DZIP3: variants seen among roughly 807,000 people sequenced by gnomAD.
The protein encoded by DZIP3 is DAZ interacting zinc finger protein 3, also known as E3 ubiquitin-protein ligase DZIP3.
In DZIP3, 118 loss-of-function variants were observed where a neutral mutation model predicts 162.0. That is an observed-to-expected ratio of 0.73 (90% CI 0.63 to 0.85). The LOEUF is 0.85. Ranked by LOEUF, DZIP3 falls within the 40% of genes least tolerant of loss-of-function variation. DZIP3 has a pLI of 0.00. For missense variants in DZIP3, 1,331 were observed against 1,407.0 expected (o/e 0.95, Z 0.86); for synonymous variants, 438 against 458.6 (o/e 0.96, Z 0.57).
intron 17 of DZIP3, 94 bp downstream of exon 17, chr3:108,649,056 A>G: frequency 2.8e-6 from 2 of 721,790 alleles, no homozygotes; most frequent in Non-Finnish European, 3.9e-6. Flanking sequence ...TCAAGTAGAC[A>G]TATAGCACAA....
intron 26 of DZIP3, among the ~76,000 whole-genome samples, chr3:108,678,301 A>G (rs1050236200): frequency 2.0e-5 from 3 of 151,968 alleles, no homozygotes; most frequent in East Asian, 3.9e-4. Context: ...TAATAATACT[A>G]GAAATAAAGT....
rs143726506 is a variant in DZIP3 at position 108,617,997 on chromosome 3, T to A, written c.375+1340T>A. On this transcript the variant is annotated intron_variant, in intron 5 of 32. Transcript: ENST00000361582. ...AGTGGCATTGTGATGATCAAAGCAG[T>A]CTATTGCTGTATCTAAATTACTCTA... 3.6e-3 allele frequency among the ~76,000 whole-genome samples: 550 copies of A among 152,312 alleles called. 2 individuals carry two copies. The highest frequency in any genetic ancestry group is 8.7e-3 in the African/African-American group (361 of 41,562).
intron 7 of DZIP3, 128 bp downstream of exon 7, chr3:108,626,097 C>T: frequency 2.8e-6 from 3 of 1,087,718 alleles, no homozygotes; most frequent in South Asian, 4.6e-5. Context: ...TTCTTCTTTG[C>T]CTATTTGTAT....
chr3:108,640,256 A>G (rs781253978), intron 12 of DZIP3, among the ~76,000 whole-genome samples: 9 of 151,616 alleles, frequency 5.9e-5, no homozygotes, highest in African/African-American at 1.9e-4. Flanking sequence ...TCAGCATTCT[A>G]TGTCATTTTT....
intron 12 of DZIP3, among the ~76,000 whole-genome samples, chr3:108,640,688 C>T (rs576672520): frequency 6.6e-6 from 1 of 152,244 alleles, no homozygotes; most frequent in South Asian, 2.1e-4. Flanking sequence ...TCGTGATCCA[C>T]CCTCTTCGGC....
chr3:108,667,701 C>T (rs1196640474), intron 21 of DZIP3, among the ~76,000 whole-genome samples: 1 of 151,990 alleles, frequency 6.6e-6, no homozygotes, highest in African/African-American at 2.4e-5. Context: ...TATGAATTTA[C>T]AATTATCTTG....
intron 3 of DZIP3, among the ~76,000 whole-genome samples, chr3:108,610,357 A>G (rs764312865): frequency 1.3e-5 from 2 of 152,140 alleles, no homozygotes; most frequent in African/African-American, 2.4e-5. Flanking sequence ...TCCTTGTGGC[A>G]ATGACCTAGG....
intron 1 of DZIP3, among the ~76,000 whole-genome samples, chr3:108,604,950 A>G (rs750546730): frequency 1.9e-4 from 28 of 146,480 alleles, no homozygotes; most frequent in Non-Finnish European, 3.5e-4. Context: ...TTTATAATAG[A>G]AAAAAATGGG....
chr3:108,634,716 G>C (rs1942058819), intron 9 of DZIP3, among the ~76,000 whole-genome samples, 155 bp from the exon 10 acceptor site: 1 of 152,004 alleles, frequency 6.6e-6, no homozygotes, highest in Non-Finnish European at 1.5e-5. Context: ...GACTTGTAAA[G>C]TTATTTGGTG....
At chr3:108,647,156 T>A (rs1454843919) in intron 15 of DZIP3, among the ~76,000 whole-genome samples, 2 of 152,328 alleles carry the variant, frequency 1.3e-5, no homozygotes, top group South Asian at 2.1e-4. Context: ...TTCCCAAGGA[T>A]GATGTTCTAA....
chr3:108,613,229 G>A (rs573442900), intron 4 of DZIP3, among the ~76,000 whole-genome samples: 8 of 152,198 alleles, frequency 5.3e-5, no homozygotes, highest in South Asian at 2.1e-4. Flanking sequence ...CACAAATATC[G>A]CATGATTCCA....
chr3:108,648,071 C>T lies in DZIP3; in HGVS notation c.1921C>T (p.Pro641Ser). The change falls in exon 16 of 33, where the codon CCC (proline) becomes TCC (serine). Residue 641 changes from proline to serine, a missense_variant. Coordinates refer to ENST00000361582, the MANE Select transcript of DZIP3 (RefSeq NM_014648.4). ...AATTAATAAAGATGGGACCTCAATACCCAGTGAATCTTCAACAGAATCTCT... is the reference window on the plus strand; with the variant it reads ...AATTAATAAAGATGGGACCTCAATATCCAGTGAATCTTCAACAGAATCTCT... ...AEINKDGTSI[P>S]SESSTESLKD... is the part of the protein sequence containing the mutation. 1 of 1,607,456 alleles carries T rather than the reference C, an allele frequency of 6.2e-7. No individual in the cohort carries two copies. Among genetic ancestry groups the T allele is most frequent in the Non-Finnish European group, 8.5e-7 (1 of 1,177,862 alleles).
intron 12 of DZIP3, among the ~76,000 whole-genome samples, chr3:108,641,985 A>G (rs1273529550): frequency 1.3e-5 from 2 of 152,096 alleles, no homozygotes; most frequent in African/African-American, 4.8e-5. Context: ...TTGATGTTCT[A>G]CTAGCATCTT....
rs1335897051 is a variant in DZIP3, at chr3:108,611,031, AT to A, written c.103-137del. On this transcript the variant is annotated intron_variant, in intron 3 of 32. Coordinates refer to ENST00000361582, the MANE Select transcript of DZIP3 (RefSeq NM_014648.4). The stretch of plus-strand genomic sequence containing the variant: ...CAGAGAACATATTATTCTTCCTTAG[AT>A]TTTTTATAATTCTGTCATAGAAGCT... 4.3e-6 allele frequency: 3 copies of A among 701,906 alleles called. No homozygotes were observed. The East Asian group carries it at 9.2e-5, about 21-fold the overall frequency. 43.5% of individuals were successfully genotyped at this position (701,906 alleles called of 1,614,324 possible).
At chr3:108,647,478 G>A (rs903389642) in intron 15 of DZIP3, among the ~76,000 whole-genome samples, 1 of 152,100 alleles carries the variant, frequency 6.6e-6, no homozygotes, top group Non-Finnish European at 1.5e-5. Context: ...GCAATATCAA[G>A]GAGCAAAGTC....
intron 9 of DZIP3, among the ~76,000 whole-genome samples, chr3:108,633,610 C>A (rs1281130570): frequency 6.7e-6 from 1 of 150,098 alleles, no homozygotes; most frequent in East Asian, 2.0e-4. Context: ...TCTGATAGAT[C>A]TCTCTCTCTG....
Position 108,616,660 on chromosome 3 carries a change from A to G in DZIP3, c.375+3A>G, listed in dbSNP as rs761741416. On this transcript the variant is annotated splice_donor_region_variant and intron_variant, in intron 5 of 32. Transcript: ENST00000361582. Reference sequence around the variant, plus strand: ...ACATTCAAGCTGGCAATTATACCGTAAGTGTTTTCTTTTTGGAAATTTGAT... The same window carrying G: ...ACATTCAAGCTGGCAATTATACCGTGAGTGTTTTCTTTTTGGAAATTTGAT... The G allele has an allele frequency of 6.4e-7, 1 of 1,564,148 alleles. No individual in the cohort carries two copies. The highest frequency in any genetic ancestry group is 1.4e-5 in the African/African-American group (1 of 71,964).
chr3:108,611,395 A>C, intron 4 of DZIP3, 66 bp downstream of exon 4: 1 of 1,569,886 alleles, frequency 6.4e-7, no homozygotes, highest in Non-Finnish European at 8.6e-7. Flanking sequence ...TTTAATTAAA[A>C]TTCTTTTTAA....
At chr3:108,596,192 G>A (rs1939703934) in intron 1 of DZIP3, among the ~76,000 whole-genome samples, 1 of 152,194 alleles carries the variant, frequency 6.6e-6, no homozygotes, top group Admixed American at 6.5e-5. Flanking sequence ...CTTGCCCACA[G>A]ATTTGTGGTT....
Sources: allele counts gnomAD v4.1 joint callset (sites outside exome capture counted in the v4.1 genomes callset), GRCh38; gene constraint gnomAD v4.1.1; transcripts MANE v1.5; gene names NCBI Gene and HGNC (gene_info 2026-07-23, HGNC 2026-07-21).